Variants in TMEM74 observed in about 807,000 individuals in gnomAD.
TMEM74 encodes transmembrane protein 74.
A neutral mutation model predicts 18.1 loss-of-function variants in TMEM74; 13 were observed. That is an observed-to-expected ratio of 0.72 (90% confidence interval 0.47 to 1.14). The LOEUF (loss-of-function observed/expected upper bound fraction) is 1.14, where lower values mean the gene tolerates loss of function less well. Among genes scored for constraint, TMEM74 ranks in the 50% most tolerant of loss-of-function variants. The probability of loss-of-function intolerance (pLI) is 0.00; values close to 1 mark genes in which losing one functional copy is unlikely to be tolerated. For missense variants in TMEM74, 372 were observed against 375.9 expected (o/e 0.99, Z 0.09); for synonymous variants, 159 against 146.6 (o/e 1.08, Z -0.61).
chr8:108,681,162 A>G (rs1160419637), intron 1 of TMEM74, among the ~76,000 whole-genome samples: 1 of 152,202 alleles, frequency 6.6e-6, no homozygotes, highest in Non-Finnish European at 1.5e-5. Context: ...ATTGGAAAAA[A>G]CTACTTTAAA....
intron 1 of TMEM74, among the ~76,000 whole-genome samples, chr8:108,771,578 G>T (rs918885604): frequency 6.6e-6 from 1 of 152,046 alleles, no homozygotes. Flanking sequence ...GAGAGAAAGC[G>T]CTGCTGCATC....
intron 1 of TMEM74, among the ~76,000 whole-genome samples, chr8:108,740,924 G>A (rs1205416596): frequency 6.6e-6 from 1 of 151,874 alleles, no homozygotes; most frequent in African/African-American, 2.4e-5. Flanking sequence ...AAGAAAAGCT[G>A]GAAATGACCC....
At chr8:108,770,578 A>T (rs569415407) in intron 1 of TMEM74, among the ~76,000 whole-genome samples, 2 of 152,252 alleles carry the variant, frequency 1.3e-5, no homozygotes, top group East Asian at 3.9e-4. Context: ...TAATTCCTAT[A>T]CTTACCTGAC....
intron 2 of TMEM74, among the ~76,000 whole-genome samples, chr8:108,644,680 C>A (rs961797061): frequency 2.0e-5 from 3 of 152,002 alleles, no homozygotes; most frequent in Non-Finnish European, 4.4e-5. Context: ...CCTGTTAAAA[C>A]GTGCGCAGAG....
At chr8:108,704,777 A>T (rs62509387) in intron 1 of TMEM74, among the ~76,000 whole-genome samples, 1 of 152,038 alleles carries the variant, frequency 6.6e-6, no homozygotes, top group South Asian at 2.1e-4. Flanking sequence ...CTCAGACTGA[A>T]GGAGGGAGGG....
At chr8:108,764,134 T>C (rs1814075546) in intron 1 of TMEM74, among the ~76,000 whole-genome samples, 1 of 152,140 alleles carries the variant, frequency 6.6e-6, no homozygotes, top group Non-Finnish European at 1.5e-5. Context: ...TTATCTCTTA[T>C]CTCCACAACA....
intron 1 of TMEM74, among the ~76,000 whole-genome samples, chr8:108,657,856 AAAAATATATATATATATATAT>A (rs1812853643): frequency 2.9e-5 from 2 of 69,816 alleles, no homozygotes; most frequent in East Asian, 5.3e-4. Context: ...AAAAAAAAAA[AAAAATATATATATATATATAT>A]ATATATATAT....
At chr8:108,765,103 T>C (rs1166948464) in intron 1 of TMEM74, among the ~76,000 whole-genome samples, 1 of 152,140 alleles carries the variant, frequency 6.6e-6, no homozygotes. Context: ...GATTAACTTG[T>C]GGTTGGAAAT....
At chr8:108,652,120 C>T (rs1812780817) in intron 2 of TMEM74, among the ~76,000 whole-genome samples, 1 of 152,056 alleles carries the variant, frequency 6.6e-6, no homozygotes, top group Non-Finnish European at 1.5e-5. Flanking sequence ...TTTTTACTCG[C>T]ATTAACTCTT....
intron 1 of TMEM74, among the ~76,000 whole-genome samples, chr8:108,689,725 C>T (rs1241496508): frequency 6.6e-6 from 1 of 152,094 alleles, no homozygotes; most frequent in Non-Finnish European, 1.5e-5. Context: ...GGCTTTCTTC[C>T]AGGCTGATGA....
intron 1 of TMEM74, among the ~76,000 whole-genome samples, chr8:108,787,089 C>T (rs561375340): frequency 1.3e-5 from 2 of 152,264 alleles, no homozygotes; most frequent in Non-Finnish European, 2.9e-5. Context: ...CTTAAAAGCC[C>T]AGTTAACGAC....
intron 2 of TMEM74, among the ~76,000 whole-genome samples, chr8:108,623,423 A>G (rs1184046111): frequency 6.6e-6 from 1 of 152,090 alleles, no homozygotes; most frequent in Non-Finnish European, 1.5e-5. Flanking sequence ...CCAGAAACTA[A>G]GAACTTTCTA....
At chr8:108,741,330 T>C (rs1813797923) in intron 1 of TMEM74, among the ~76,000 whole-genome samples, 1 of 152,220 alleles carries the variant, frequency 6.6e-6, no homozygotes, top group African/African-American at 2.4e-5. Context: ...TTTAGGTTTA[T>C]GCTTTAAATT....
chr8:108,752,646 T>C (rs1813915087), intron 1 of TMEM74, among the ~76,000 whole-genome samples: 1 of 152,114 alleles, frequency 6.6e-6, no homozygotes, highest in South Asian at 2.1e-4. Flanking sequence ...TTCAAACTGA[T>C]TTTTCTCTGG....
chr8:108,647,372 A>G (rs904098403), intron 2 of TMEM74, among the ~76,000 whole-genome samples: 2 of 152,170 alleles, frequency 1.3e-5, no homozygotes, highest in African/African-American at 4.8e-5. Flanking sequence ...TGGATTTTGT[A>G]AATGTCACAC....
At chr8:108,747,096 G>A (rs535205980) in intron 1 of TMEM74, among the ~76,000 whole-genome samples, 2 of 152,208 alleles carry the variant, frequency 1.3e-5, no homozygotes, top group South Asian at 4.1e-4. Context: ...TCACAGCCTG[G>A]ACTTGTGATT....
chr8:108,769,247 G>C (rs1347210972), intron 1 of TMEM74, among the ~76,000 whole-genome samples: 1 of 151,840 alleles, frequency 6.6e-6, no homozygotes, highest in African/African-American at 2.4e-5. Flanking sequence ...AGAATTGCTT[G>C]AACTGGGAAG....
chr8:108,612,308 C>T (rs927649269), intron 2 of TMEM74, among the ~76,000 whole-genome samples: 2 of 151,974 alleles, frequency 1.3e-5, no homozygotes, highest in African/African-American at 4.8e-5. Context: ...ACCTACTTAA[C>T]ATTATTCTAC....
At chr8:108,626,783 A>G (rs541451870) in intron 2 of TMEM74, 2 of 152,168 alleles carry the variant, frequency 1.3e-5, no homozygotes, top group East Asian at 1.9e-4. Flanking sequence ...CTATCTATAT[A>G]TACAACCTGC....
Sources: allele counts gnomAD v4.1 joint callset (sites outside exome capture counted in the v4.1 genomes callset), GRCh38; gene constraint gnomAD v4.1.1; transcripts MANE v1.5; gene names NCBI Gene and HGNC (gene_info 2026-07-23, HGNC 2026-07-21).